The following CDH13 variants were observed in gnomAD, a reference collection of about 807,000 sequenced individuals.
The protein encoded by CDH13 is cadherin-13.
CDH13 carries 24 observed loss-of-function variants against 63.8 expected under a neutral mutation model. The observed-to-expected ratio is 0.38, with a 90% CI of 0.27 to 0.53. CDH13 has a LOEUF of 0.53. CDH13 is among the 20% of genes least tolerant of loss of function. The pLI, the probability that CDH13 is intolerant of heterozygous loss-of-function variation, is 0.85. For missense variants in CDH13, 1,049 were observed against 903.1 expected (o/e 1.16, Z -2.07); for synonymous variants, 503 against 355.3 (o/e 1.42, Z -4.67).
rs1009374577 is a variant in CDH13 at position 83,637,275 on chromosome 16, T to C, written c.1102-33515T>C. Among the ~76,000 whole-genome samples the C allele has an allele frequency of 1.1e-4, 11 of 103,998 alleles. 1 individual carries two copies. The highest frequency in any genetic ancestry group is 4.8e-4 in the African/African-American group (11 of 22,876). The allele number at this position is 103,998 out of a possible 152,430, so 68.2% of individuals were successfully genotyped here. Reference sequence around the variant, plus strand: ...CTCGGGAGGAGCCAAGATGGCCGAATAGGAACAGCTCCGGTCTACAGCTCC... The same window carrying C: ...CTCGGGAGGAGCCAAGATGGCCGAACAGGAACAGCTCCGGTCTACAGCTCC... On this transcript the variant is annotated intron_variant, in intron 8 of 13. Transcript: ENST00000567109.
chr16:83,012,395 C>G (rs113356209), intron 2 of CDH13, among the ~76,000 whole-genome samples: 13 of 148,532 alleles, frequency 8.8e-5, no homozygotes, highest in African/African-American at 2.7e-4. Flanking sequence ...AAGCCCTGGT[C>G]CAAGGAAAAT....
At chr16:82,816,214 C>T (rs181701621) in intron 1 of CDH13, among the ~76,000 whole-genome samples, 1 of 152,258 alleles carries the variant, frequency 6.6e-6, no homozygotes, top group Non-Finnish European at 1.5e-5. Flanking sequence ...AGCCTTCCAA[C>T]AGGCACATCC....
At chr16:83,190,229 G>A (rs1054923085) in intron 4 of CDH13, among the ~76,000 whole-genome samples, 3 of 152,186 alleles carry the variant, frequency 2.0e-5, no homozygotes, top group Non-Finnish European at 4.4e-5. Context: ...TTGGCTAGAA[G>A]TACATCTCAT....
intron 4 of CDH13, among the ~76,000 whole-genome samples, chr16:83,208,936 A>G (rs2039257615): frequency 6.6e-6 from 1 of 152,090 alleles, no homozygotes; most frequent in South Asian, 2.1e-4. Context: ...ACCCCTGCAA[A>G]TTATAAGGAT....
intron 6 of CDH13, among the ~76,000 whole-genome samples, chr16:83,389,245 C>A (rs1010175892): frequency 1.3e-5 from 2 of 152,100 alleles, no homozygotes; most frequent in Admixed American, 6.5e-5. Flanking sequence ...AAATATAAAA[C>A]TATAAAATTG....
chr16:83,741,772 G>T (rs766472821), intron 10 of CDH13, among the ~76,000 whole-genome samples: 1 of 151,968 alleles, frequency 6.6e-6, no homozygotes, highest in South Asian at 2.1e-4. Flanking sequence ...CGCAAACATG[G>T]GTCCCCTACA....
intron 2 of CDH13, among the ~76,000 whole-genome samples, chr16:82,963,621 T>G (rs1284784418): frequency 6.6e-6 from 1 of 152,310 alleles, no homozygotes; most frequent in African/African-American, 2.4e-5. Flanking sequence ...TAAACCTGAC[T>G]TCCCCATTAG....
intron 11 of CDH13, among the ~76,000 whole-genome samples, chr16:83,767,274 C>T (rs1017895856): frequency 6.6e-6 from 1 of 152,106 alleles, no homozygotes; most frequent in Non-Finnish European, 1.5e-5. Context: ...TGGTAATAAT[C>T]CCCAAGTGTC....
chr16:82,922,444 G>A (rs973883100), intron 2 of CDH13, among the ~76,000 whole-genome samples: 3 of 152,198 alleles, frequency 2.0e-5, no homozygotes, highest in East Asian at 1.9e-4. Context: ...TAGAAGTTTC[G>A]AAGAAGCAAA....
intron 6 of CDH13, among the ~76,000 whole-genome samples, chr16:83,476,357 G>T (rs2073604508): frequency 6.6e-6 from 1 of 152,132 alleles, no homozygotes; most frequent in South Asian, 2.1e-4. Flanking sequence ...GCTGTAAAAA[G>T]GACTAGGCTT....
At chr16:83,091,441 A>T (rs1046924954) in intron 3 of CDH13, among the ~76,000 whole-genome samples, 3 of 152,210 alleles carry the variant, frequency 2.0e-5, no homozygotes, top group Non-Finnish European at 4.4e-5. Context: ...ATCACAAAGG[A>T]TGACTCCCTA....
intron 6 of CDH13, among the ~76,000 whole-genome samples, chr16:83,441,083 C>T (rs1419355688): frequency 6.6e-6 from 1 of 152,100 alleles, no homozygotes; most frequent in African/African-American, 2.4e-5. Context: ...ATGTTTACAA[C>T]AGCAGAAAAA....
chr16:83,223,202 C>T (rs1484518796), intron 5 of CDH13, among the ~76,000 whole-genome samples: 1 of 152,182 alleles, frequency 6.6e-6, no homozygotes, highest in Non-Finnish European at 1.5e-5. Context: ...AATCCAAGGT[C>T]AAGACACCAG....
In CDH13 at chr16:83,074,331, T is replaced by C. The variant is rs572874187; in HGVS notation, c.366+42113T>C. Among the ~76,000 whole-genome samples the C allele has an allele frequency of 3.3e-5, 5 of 152,338 alleles. No individual in the cohort carries two copies. In the South Asian group the frequency reaches 1.0e-3, roughly 32 times the overall value. ...GCAAATAATATGATTTCGTTCTTTT[T>C]TATAGCCAAATAGTATTTCATTGTG... is the stretch of plus-strand genomic sequence containing the variant. On this transcript the variant is annotated intron_variant, in intron 3 of 13. Coordinates refer to ENST00000567109, the MANE Select transcript of CDH13 (RefSeq NM_001257.5).
At chr16:82,967,417 T>C (rs191884443) in intron 2 of CDH13, among the ~76,000 whole-genome samples, 8 of 152,322 alleles carry the variant, frequency 5.3e-5, no homozygotes, top group Admixed American at 4.6e-4. Flanking sequence ...GGGACTGAGC[T>C]CATACCTGGT....
chr16:83,318,077 A>T (rs770358057), intron 5 of CDH13, among the ~76,000 whole-genome samples: 1 of 152,200 alleles, frequency 6.6e-6, no homozygotes, highest in Non-Finnish European at 1.5e-5. Context: ...GGTAATAATG[A>T]TACCTATCCC....
chr16:82,693,571 C>T (rs1291754300), intron 1 of CDH13, among the ~76,000 whole-genome samples: 1 of 152,092 alleles, frequency 6.6e-6, no homozygotes, highest in Non-Finnish European at 1.5e-5. Context: ...TACATTAAAC[C>T]CTGTATAAGA....
At chr16:83,525,296 T>G (rs759046256) in intron 7 of CDH13, among the ~76,000 whole-genome samples, 3 of 152,204 alleles carry the variant, frequency 2.0e-5, no homozygotes, top group African/African-American at 4.8e-5. Context: ...CTGCACTAGA[T>G]CCTGTGTGTC....
At chr16:83,256,243 G>T (rs928951286) in intron 5 of CDH13, among the ~76,000 whole-genome samples, 2 of 152,110 alleles carry the variant, frequency 1.3e-5, no homozygotes, top group Non-Finnish European at 2.9e-5. Flanking sequence ...ATGTTGCCCA[G>T]GCTGGTCTGA....
Sources: gnomAD v4.1 joint callset for allele counts (sites outside exome capture counted in the v4.1 genomes callset) on GRCh38, gnomAD v4.1.1 for gene constraint, MANE v1.5 for transcripts, NCBI Gene and HGNC (gene_info 2026-07-23, HGNC 2026-07-21) for gene names.